Variants in CIMAP1C observed in about 807,000 individuals in gnomAD.
CIMAP1C encodes ciliary microtubule associated protein 1C, also known as outer dense fiber of sperm tails 3 like 1.
chr15:75,725,197 C>A, the CIMAP1C span: 1 of 1,613,298 alleles, frequency 6.2e-7, no homozygotes, highest in Non-Finnish European at 8.5e-7. Context: ...TTATACCCTG[C>A]ATAGCCGGCA....
chr15:75,725,661 C>T, the CIMAP1C span, among the ~76,000 whole-genome samples: 5 of 152,132 alleles, frequency 3.3e-5, no homozygotes, highest in Admixed American at 1.3e-4. Flanking sequence ...GGTGTGGTGG[C>T]GTGCACCCGG....
At chr15:75,726,904 G>A in the CIMAP1C span, among the ~76,000 whole-genome samples, 4 of 152,062 alleles carry the variant, frequency 2.6e-5, no homozygotes, top group African/African-American at 4.8e-5. Flanking sequence ...GTGAGCCACC[G>A]CGTCCGGCCT....
the CIMAP1C span, chr15:75,727,464 C>T: frequency 6.2e-7 from 1 of 1,613,616 alleles, no homozygotes; most frequent in Non-Finnish European, 8.5e-7. Context: ...GTGCACAAGC[C>T]CCACATCCCT....
chr15:75,726,075 AG>A, the CIMAP1C span: 1 of 1,613,652 alleles, frequency 6.2e-7, no homozygotes, highest in Non-Finnish European at 8.5e-7. Context: ...GTGCCACAGC[AG>A]CCCTGGGCCT....
At chr15:75,727,384 G>A in the CIMAP1C span, 3 of 1,614,062 alleles carry the variant, frequency 1.9e-6, no homozygotes, top group South Asian at 1.1e-5. Context: ...GCATGGCCAA[G>A]CGCTTCGCCT....
chr15:75,727,076 G>A, the CIMAP1C span: 2 of 1,613,022 alleles, frequency 1.2e-6, no homozygotes, highest in African/African-American at 1.3e-5. Context: ...CCCCACCCTC[G>A]CATCCTGCCA....
the CIMAP1C span, chr15:75,727,358 C>T: frequency 3.7e-5 from 60 of 1,614,148 alleles, no homozygotes; most frequent in African/African-American, 4.8e-4. Context: ...CTATCAGAAC[C>T]GCAGCCCTAC....
the CIMAP1C span, chr15:75,724,143 C>T: frequency 1.7e-6 from 2 of 1,182,310 alleles, no homozygotes; most frequent in Non-Finnish European, 1.3e-6. Flanking sequence ...ACTCTAGCCC[C>T]TTGACTGCTG....
the CIMAP1C span, chr15:75,725,175 C>A: frequency 6.2e-7 from 1 of 1,614,072 alleles, no homozygotes; most frequent in South Asian, 1.1e-5. Flanking sequence ...TCTCCATGTT[C>A]AAGGCACCAG....
At chr15:75,727,490 A>G in the CIMAP1C span, 1 of 1,610,904 alleles carries the variant, frequency 6.2e-7, no homozygotes, top group South Asian at 1.1e-5. Context: ...CACCATGGGC[A>G]TCAAGCACTC....
the CIMAP1C span, chr15:75,727,069 C>T: frequency 6.2e-7 from 1 of 1,612,792 alleles, no homozygotes; most frequent in Non-Finnish European, 8.5e-7. Context: ...GCCTGAACCC[C>T]ACCCTCGCAT....
chr15:75,724,409 T>C, the CIMAP1C span: 14 of 862,084 alleles, frequency 1.6e-5, no homozygotes, highest in Admixed American at 7.4e-5. Context: ...TCCAACTTCC[T>C]TGAAGCCTTA....
the CIMAP1C span, chr15:75,727,416 G>T: frequency 6.2e-7 from 1 of 1,613,952 alleles, no homozygotes; most frequent in Non-Finnish European, 8.5e-7. Context: ...CTCACGCCAC[G>T]GCCTGGCCCC....
chr15:75,725,623 G>A, the CIMAP1C span, among the ~76,000 whole-genome samples: 3 of 152,242 alleles, frequency 2.0e-5, no homozygotes, highest in Non-Finnish European at 2.9e-5. Flanking sequence ...AGAAGCAGAG[G>A]CCACAGATGA....
the CIMAP1C span, chr15:75,724,371 C>T: frequency 8.1e-7 from 1 of 1,241,852 alleles, no homozygotes; most frequent in Non-Finnish European, 1.2e-6. Flanking sequence ...TCCAGGACTC[C>T]TTCCAGCCTG....
chr15:75,725,347 G>A, the CIMAP1C span: 1 of 706,314 alleles, frequency 1.4e-6, no homozygotes, highest in Non-Finnish European at 2.5e-6. Flanking sequence ...TGGGTCCAGA[G>A]GAAGCCAGCG....
chr15:75,727,655 C>A, the CIMAP1C span: 1 of 1,028,722 alleles, frequency 9.7e-7, no homozygotes, highest in Non-Finnish European at 1.4e-6. Context: ...GAGTGTCCGG[C>A]ACACAGAAGA....
the CIMAP1C span, chr15:75,727,203 T>C: frequency 1.9e-6 from 3 of 1,614,064 alleles, no homozygotes; most frequent in South Asian, 1.1e-5. Context: ...CAGTACCAGA[T>C]GCCACTCTTG....
chr15:75,724,100 G>A, the CIMAP1C span: 1 of 753,080 alleles, frequency 1.3e-6, no homozygotes, highest in Non-Finnish European at 2.4e-6. Context: ...CTCCGTGTCT[G>A]GGGTGGGGGA....
Sources: gnomAD v4.1 joint callset for allele counts (sites outside exome capture counted in the v4.1 genomes callset) on GRCh38, gnomAD v4.1.1 for gene constraint, MANE v1.5 for transcripts, NCBI Gene and HGNC (gene_info 2026-07-23, HGNC 2026-07-21) for gene names.